The following LRRIQ1 variants were observed in gnomAD, a reference collection of about 807,000 sequenced individuals.
LRRIQ1 encodes leucine rich repeats and IQ motif containing 1.
LRRIQ1 carries 210 observed loss-of-function variants against 211.9 expected under a neutral mutation model. The ratio of observed to expected loss-of-function variants is 0.99; its 90% CI spans 0.89 to 1.11. LRRIQ1 has a LOEUF of 1.11. Among genes scored for constraint, LRRIQ1 ranks in the 50% most tolerant of loss-of-function variants. LRRIQ1 has a pLI of 0.00. For missense variants in LRRIQ1, 2,136 were observed against 1,939.5 expected (o/e 1.10, Z -1.90); for synonymous variants, 699 against 650.1 (o/e 1.08, Z -1.14).
intron 24 of LRRIQ1, among the ~76,000 whole-genome samples, chr12:85,178,288 A>G (rs2660457): frequency 0.017 from 2,647 of 152,130 alleles, 76 homozygotes; most frequent in African/African-American, 0.061. Context: ...GTTTGTTAAA[A>G]TAAATATGTA....
chr12:85,088,309 C>G (rs1397214097), intron 11 of LRRIQ1, among the ~76,000 whole-genome samples: 1 of 152,128 alleles, frequency 6.6e-6, no homozygotes, highest in Non-Finnish European at 1.5e-5. Context: ...GTCTATATCT[C>G]TGTTTTGGTA....
chr12:85,222,395 A>G (rs1894443953), intron 24 of LRRIQ1, among the ~76,000 whole-genome samples: 1 of 152,174 alleles, frequency 6.6e-6, no homozygotes, highest in South Asian at 2.1e-4. Context: ...TAGCCAAAGG[A>G]TTGAGAATAA....
Position 85,098,356 on chromosome 12 carries a change from T to C in LRRIQ1, c.2889T>C (p.Cys963=). 1.9e-6 allele frequency: 3 copies of C among 1,593,768 alleles called. No individual in the cohort carries two copies. The highest frequency in any genetic ancestry group is 2.6e-6 in the Non-Finnish European group (3 of 1,166,468). ...GATCTTATAACTTTTTTCTTCTAGGTGGTTTAGAATCTTTGAAAAATCTTC... is the reference window on the plus strand; with the variant it reads ...GATCTTATAACTTTTTTCTTCTAGGCGGTTTAGAATCTTTGAAAAATCTTC... The part of the protein sequence containing the change: ...NFLISHLYWN[C]GLESLKNLQQ... The change falls in exon 12 of 27, where the codon TGT becomes TGC. Residue 963 remains cysteine, a splice_region_variant and synonymous_variant. Coordinates refer to ENST00000393217, the MANE Select transcript of LRRIQ1 (RefSeq NM_001079910.2).
intron 24 of LRRIQ1, among the ~76,000 whole-genome samples, chr12:85,181,690 G>A (rs184345565): frequency 6.6e-6 from 1 of 152,008 alleles, no homozygotes. Flanking sequence ...ACACACTTAT[G>A]TTCAAATGGA....
At chr12:85,272,107 A>C in the LRRIQ1 span, among the ~76,000 whole-genome samples, 336 of 152,286 alleles carry the variant, frequency 2.2e-3, no homozygotes, top group African/African-American at 7.8e-3. Flanking sequence ...CTCAACTGTG[A>C]TCCAGTAGTT....
chr12:85,144,832 A>G (rs1889780840), intron 19 of LRRIQ1, among the ~76,000 whole-genome samples: 1 of 151,590 alleles, frequency 6.6e-6, no homozygotes, highest in Non-Finnish European at 1.5e-5. Context: ...CAATGCGGAG[A>G]TTACTTCATG....
chr12:85,157,261 A>C (rs1444221923), intron 23 of LRRIQ1, among the ~76,000 whole-genome samples: 1 of 151,898 alleles, frequency 6.6e-6, no homozygotes, highest in Non-Finnish European at 1.5e-5. Context: ...CTATTGGTAG[A>C]AGTGAGACCA....
intron 24 of LRRIQ1, among the ~76,000 whole-genome samples, chr12:85,193,183 A>T (rs1183951795): frequency 7.9e-6 from 1 of 127,076 alleles, no homozygotes; most frequent in Non-Finnish European, 1.6e-5. Context: ...GAAAAGACCA[A>T]ATCTACATCT....
At chr12:85,038,535 T>C (rs1878466909) in intron 2 of LRRIQ1, among the ~76,000 whole-genome samples, 1 of 151,744 alleles carries the variant, frequency 6.6e-6, no homozygotes, top group Non-Finnish European at 1.5e-5. Context: ...TTGTGAACAT[T>C]TTAGCATGAT....
rs1202150349 is a variant in LRRIQ1, at chr12:85,198,102, AT to A, written c.4823-31413del. 4.3e-3 allele frequency among the ~76,000 whole-genome samples: 510 copies of A among 117,710 alleles called. 3 individuals carry two copies. The highest frequency in any genetic ancestry group is 5.7e-3 in the Non-Finnish European group (344 of 60,782). 77.2% of individuals were successfully genotyped at this position (117,710 alleles called of 152,430 possible). On this transcript the variant is annotated intron_variant, in intron 24 of 26. Transcript: ENST00000393217. ...TATAATTTATTATATTATATATTAT[AT>A]TATTTATATATAATATATAATATAT... is the stretch of plus-strand genomic sequence containing the variant.
chr12:85,180,489 A>T (rs1387484311), intron 24 of LRRIQ1, among the ~76,000 whole-genome samples: 1 of 151,958 alleles, frequency 6.6e-6, no homozygotes, highest in Non-Finnish European at 1.5e-5. Context: ...AAAAAAAATG[A>T]TAGTTCAACC....
chr12:85,129,191 A>G (rs1418288965), intron 18 of LRRIQ1, among the ~76,000 whole-genome samples: 2 of 152,176 alleles, frequency 1.3e-5, no homozygotes, highest in Non-Finnish European at 2.9e-5. Flanking sequence ...TTAAAAATTT[A>G]TTTACTCATC....
At chr12:85,050,258 C>G (rs1291017229) in intron 6 of LRRIQ1, among the ~76,000 whole-genome samples, 2 of 140,868 alleles carry the variant, frequency 1.4e-5, no homozygotes, top group Non-Finnish European at 3.1e-5. Context: ...ATTTTTGTCC[C>G]TTTCTTTTCT....
chr12:85,155,077 CTG>C (rs1431381308), intron 23 of LRRIQ1, among the ~76,000 whole-genome samples: 2 of 151,264 alleles, frequency 1.3e-5, no homozygotes, highest in Non-Finnish European at 3.0e-5. Flanking sequence ...CAAGGAATAA[CTG>C]ATATTTATTG....
chr12:85,121,896 A>G lies in LRRIQ1; in HGVS notation c.3557+20A>G, dbSNP rs752392879. On this transcript the variant is annotated intron_variant, in intron 16 of 26. Transcript: ENST00000393217. ...AAAAGGGTAAGATTGTGATCTTCCC[A>G]TTGATGTATTTAGAATCAATAATGT... The G allele has an allele frequency of 2.0e-6, 3 of 1,535,902 alleles. No homozygotes were observed. Among genetic ancestry groups the G allele is most frequent in the South Asian group, 1.2e-5 (1 of 82,340 alleles).
intron 1 of LRRIQ1, among the ~76,000 whole-genome samples, chr12:85,253,414 T>C (rs1247151758): frequency 6.6e-6 from 1 of 152,070 alleles, no homozygotes; most frequent in East Asian, 1.9e-4. Context: ...AGAAGTCCCT[T>C]ATATATTTCA....
chr12:85,083,260 G>A (rs1309021627), intron 11 of LRRIQ1, among the ~76,000 whole-genome samples: 1 of 151,876 alleles, frequency 6.6e-6, no homozygotes, highest in Non-Finnish European at 1.5e-5. Flanking sequence ...TTATTGTTTT[G>A]CTTATCTCTC....
intron 15 of LRRIQ1, among the ~76,000 whole-genome samples, chr12:85,109,440 A>G (rs1565839039): frequency 1.3e-5 from 2 of 152,182 alleles, no homozygotes; most frequent in African/African-American, 2.4e-5. Flanking sequence ...GGTTTCCAAA[A>G]AAGTTTCTAA....
intron 23 of LRRIQ1, among the ~76,000 whole-genome samples, chr12:85,155,023 A>G (rs1890466274): frequency 6.6e-6 from 1 of 151,330 alleles, no homozygotes; most frequent in Admixed American, 6.6e-5. Context: ...ATATAAATAT[A>G]ACATTTTAAA....
Sources: gnomAD v4.1 joint callset for allele counts (sites outside exome capture counted in the v4.1 genomes callset) on GRCh38, gnomAD v4.1.1 for gene constraint, MANE v1.5 for transcripts, NCBI Gene and HGNC (gene_info 2026-07-23, HGNC 2026-07-21) for gene names.